ADCY8: variants seen among roughly 807,000 people sequenced by gnomAD.
ADCY8 encodes adenylate cyclase type 8.
In ADCY8, 51 loss-of-function variants were observed where a neutral mutation model predicts 119.7. That is an observed-to-expected ratio of 0.43 (90% CI 0.34 to 0.54). ADCY8 has a LOEUF of 0.54. Among genes scored for constraint, ADCY8 ranks in the 20% least tolerant of loss-of-function variants. The pLI is 0.03. For synonymous variants in ADCY8, 665 were observed against 651.0 expected (o/e 1.02, Z -0.33); for missense variants, 1,383 against 1,598.8 (o/e 0.87, Z 2.30).
chr8:130,901,518 G>A (rs1819603000), intron 7 of ADCY8, among the ~76,000 whole-genome samples: 1 of 152,056 alleles, frequency 6.6e-6, no homozygotes, highest in African/African-American at 2.4e-5. Context: ...CAGATGGTCG[G>A]GGCTTCCGTG....
At chr8:130,806,114 A>G (rs1345222023) in intron 14 of ADCY8, among the ~76,000 whole-genome samples, 6 of 151,788 alleles carry the variant, frequency 4.0e-5, no homozygotes, top group African/African-American at 1.5e-4. Flanking sequence ...GGAGCGCTCG[A>G]CCCCCACAGC....
chr8:130,955,814 G>A (rs1194810148), intron 2 of ADCY8, among the ~76,000 whole-genome samples: 3 of 152,122 alleles, frequency 2.0e-5, no homozygotes, highest in African/African-American at 4.8e-5. Context: ...AAATGCCTAG[G>A]GAAGCAGTTA....
intron 8 of ADCY8, among the ~76,000 whole-genome samples, chr8:130,871,652 T>C (rs915346099): frequency 2.0e-5 from 3 of 152,212 alleles, no homozygotes; most frequent in Non-Finnish European, 4.4e-5. Flanking sequence ...GGATGCTGTC[T>C]TCTATTCCTC....
chr8:130,860,693 A>T (rs1055032116), intron 9 of ADCY8, among the ~76,000 whole-genome samples: 1 of 152,166 alleles, frequency 6.6e-6, no homozygotes, highest in African/African-American at 2.4e-5. Flanking sequence ...TTACATAGGT[A>T]TACATCTGCC....
At chr8:130,937,336 T>A in intron 4 of ADCY8, 136 bp from the exon 5 acceptor site, 1 of 815,210 alleles carries the variant, frequency 1.2e-6, no homozygotes, top group Non-Finnish European at 1.8e-6. Flanking sequence ...GAAATATACT[T>A]CTACCTGTCT....
chr8:131,007,657 G>T (rs552974082), intron 1 of ADCY8, among the ~76,000 whole-genome samples: 1 of 152,254 alleles, frequency 6.6e-6, no homozygotes, highest in East Asian at 1.9e-4. Context: ...AATCTGTTTT[G>T]TTTGCAAAAT....
Position 130,800,431 on chromosome 8 carries a change from C to T in ADCY8, c.3055G>A (p.Asp1019Asn), listed in dbSNP as rs751588524. ...TGTCTCAGGCTTAGATTTACCTCAT[C>T]GAAGTCAGCAATGATCTCATTGAGC... Reference protein sequence around the residue: ...RLLNEIIADFDELLGEDRFQD... With the variant: ...RLLNEIIADFNELLGEDRFQD... The change falls in exon 15 of 18, where the codon GAT becomes AAT. Residue 1019 changes from aspartate (D) to asparagine (N), a missense_variant. This residue lies in a region of ADCY8 where 928 missense variants were observed against 1,163.5 expected (regional missense o/e 0.80). Coordinates refer to ENST00000286355, the MANE Select transcript of ADCY8 (RefSeq NM_001115.3). The T allele has an allele frequency of 3.7e-6, 6 of 1,613,970 alleles. No homozygotes were observed. Among genetic ancestry groups the T allele is most frequent in the South Asian group, 1.1e-5 (1 of 91,086 alleles).
intron 2 of ADCY8, among the ~76,000 whole-genome samples, chr8:130,973,800 T>C (rs1337783443): frequency 1.3e-5 from 2 of 152,178 alleles, no homozygotes; most frequent in African/African-American, 4.8e-5. Flanking sequence ...CATGTGATCC[T>C]CACAGCTACT....
chr8:130,856,716 A>G (rs1223408859), intron 9 of ADCY8, among the ~76,000 whole-genome samples: 1 of 152,228 alleles, frequency 6.6e-6, no homozygotes, highest in Non-Finnish European at 1.5e-5. Context: ...GGATATAAGT[A>G]GCTACATATA....
intron 3 of ADCY8, among the ~76,000 whole-genome samples, chr8:130,949,990 C>T (rs145903968): frequency 6.6e-6 from 1 of 152,158 alleles, no homozygotes. Context: ...TCCTGCTATG[C>T]CCGCTGAAGG....
chr8:130,942,259 T>C (rs374858732), intron 4 of ADCY8, among the ~76,000 whole-genome samples: 1 of 152,248 alleles, frequency 6.6e-6, no homozygotes, highest in Non-Finnish European at 1.5e-5. Context: ...CCTATTTTTA[T>C]TGCTGAACAG....
At chr8:131,036,720 T>A (rs1824166819) in intron 1 of ADCY8, among the ~76,000 whole-genome samples, 1 of 152,166 alleles carries the variant, frequency 6.6e-6, no homozygotes. Context: ...GCCAGTCTTA[T>A]AAAGACTTGG....
intron 2 of ADCY8, among the ~76,000 whole-genome samples, chr8:130,955,197 T>C (rs1821390671): frequency 6.6e-6 from 1 of 152,210 alleles, no homozygotes; most frequent in African/African-American, 2.4e-5. Context: ...ACCATCTAGT[T>C]GGCTCTGAAG....
chr8:130,926,322 A>C (rs1214159025), intron 5 of ADCY8, among the ~76,000 whole-genome samples: 1 of 151,750 alleles, frequency 6.6e-6, no homozygotes, highest in Non-Finnish European at 1.5e-5. Flanking sequence ...AAAAAAAAAA[A>C]CCTTTGGTTC....
chr8:130,961,048 C>T (rs376271326), intron 2 of ADCY8, among the ~76,000 whole-genome samples: 4 of 152,206 alleles, frequency 2.6e-5, no homozygotes, highest in African/African-American at 7.2e-5. Context: ...TCCCTTCCCT[C>T]TCATTTTTGG....
chr8:130,969,113 A>G (rs1035008250), intron 2 of ADCY8, among the ~76,000 whole-genome samples: 2 of 152,156 alleles, frequency 1.3e-5, no homozygotes, highest in African/African-American at 4.8e-5. Context: ...GTTATTCTGG[A>G]TGTTTCTGTG....
chr8:131,035,099 G>C (rs1003284437), intron 1 of ADCY8, among the ~76,000 whole-genome samples: 2 of 152,034 alleles, frequency 1.3e-5, no homozygotes, highest in African/African-American at 4.8e-5. Context: ...TGGATAAATC[G>C]AATTGGTGAT....
chr8:130,921,536 C>G (rs761712342), intron 5 of ADCY8, among the ~76,000 whole-genome samples: 1 of 151,290 alleles, frequency 6.6e-6, no homozygotes, highest in East Asian at 1.9e-4. Flanking sequence ...TCACCACAAC[C>G]TCTGCCTCCC....
At chr8:130,944,314 G>A (rs1340415241) in intron 3 of ADCY8, among the ~76,000 whole-genome samples, 1 of 152,082 alleles carries the variant, frequency 6.6e-6, no homozygotes, top group Non-Finnish European at 1.5e-5. Flanking sequence ...GTCATCTCAG[G>A]GACCTCTGAA....
Sources: gnomAD v4.1 joint callset for allele counts (sites outside exome capture counted in the v4.1 genomes callset) on GRCh38, gnomAD v4.1.1 for gene constraint, gnomAD v4.1.1 regional missense constraint, MANE v1.5 for transcripts, NCBI Gene and HGNC (gene_info 2026-07-23, HGNC 2026-07-21) for gene names.